Variants in PTPN23 observed in about 807,000 individuals in gnomAD.
PTPN23 encodes the protein protein tyrosine phosphatase non-receptor type 23, also known as tyrosine-protein phosphatase non-receptor type 23.
In PTPN23, 72 loss-of-function variants were observed where a neutral mutation model predicts 156.3. The observed-to-expected ratio is 0.46, with a 90% CI of 0.38 to 0.56. The LOEUF (loss-of-function observed/expected upper bound fraction) is 0.56. Among genes scored for constraint, PTPN23 ranks in the 20% least tolerant of loss-of-function variants. PTPN23 has a pLI of 0.00. For missense variants in PTPN23, 1,974 were observed against 2,171.5 expected (o/e 0.91, Z 1.81); for synonymous variants, 957 against 899.6 (o/e 1.06, Z -1.14).
rs1705242407 is a variant in PTPN23 at position 47,410,337 on chromosome 3, C to T, written c.2539C>T (p.Pro847Ser). 3 of 1,607,702 alleles carry T rather than the reference C, an allele frequency of 1.9e-6. No homozygotes were observed. The highest frequency in any genetic ancestry group is 2.2e-5 in the South Asian group (2 of 89,918). The change falls in exon 20 of 25, where the codon CCC becomes TCC. Residue 847 changes from proline (P) to serine (S), a missense_variant. This residue lies in a region of PTPN23 where 731 missense variants were observed against 669.1 expected (regional missense o/e 1.09). Transcript: ENST00000265562. ...CCCACAGCATGGCGTGGTGAGCAGTCCCTATGTGGGGGTAGGGCCGGCCCC... is the reference window on the plus strand; with the variant it reads ...CCCACAGCATGGCGTGGTGAGCAGTTCCTATGTGGGGGTAGGGCCGGCCCC... ...SSPQHGVVSSPYVGVGPAPPV... is the reference protein window; with the variant it reads ...SSPQHGVVSSSYVGVGPAPPV...
At position 47,406,071 on chromosome 3, in the gene PTPN23, G is replaced by A; in HGVS notation, c.546+25G>A. The stretch of plus-strand genomic sequence containing the variant: ...GGTGAGGAGGCGCCCTGGTTGGAGT[G>A]GAGTTGAATCCAGGGAAGGGGATGG... On this transcript the variant is annotated intron_variant, in intron 6 of 24. Coordinates refer to ENST00000265562, the MANE Select transcript of PTPN23 (RefSeq NM_015466.4). The surrounding 1 kb of genome is among the most constrained non-coding windows in gnomAD (Gnocchi z 5.8). 1 of 1,608,088 alleles carries A rather than the reference G, an allele frequency of 6.2e-7. No homozygotes were observed. Among genetic ancestry groups the A allele is most frequent in the Non-Finnish European group, 8.5e-7 (1 of 1,177,716 alleles).
Position 47,406,626 on chromosome 3 carries a change from G to A in PTPN23, c.759+14G>A. 2 of 1,613,934 alleles carry A rather than the reference G, an allele frequency of 1.2e-6. No homozygotes were observed. Among genetic ancestry groups the A allele is most frequent in the East Asian group, 2.2e-5 (1 of 44,882 alleles). ...GCCGTGGCTCATGTGAGGGCCTGGG[G>A]CCCCAGGGCGGGGCAGGGCGGGGCT... On this transcript the variant is annotated intron_variant, in intron 8 of 24. Coordinates refer to ENST00000265562, the MANE Select transcript of PTPN23 (RefSeq NM_015466.4). The surrounding 1 kb of genome is among the most constrained non-coding windows in gnomAD (Gnocchi z 5.8).
At chr3:47,393,496 CAGAT>C (rs769673206) in intron 1 of PTPN23, among the ~76,000 whole-genome samples, 13 of 152,046 alleles carry the variant, frequency 8.6e-5, no homozygotes, top group Non-Finnish European at 1.8e-4. Context: ...GTTTTCTCTC[CAGAT>C]AGATAGATAG....
rs373946224 is a variant in PTPN23 at position 47,410,864 on chromosome 3, C to T, written c.3066C>T (p.Pro1022=). 4.3e-5 allele frequency: 70 copies of T among 1,610,616 alleles called. 1 individual carries two copies. The highest frequency in any genetic ancestry group is 1.3e-4 in the East Asian group (6 of 44,790). The change falls in exon 20 of 25, where the codon CCC becomes CCT. Residue 1022 remains proline, a synonymous_variant. Transcript: ENST00000265562. The stretch of plus-strand genomic sequence containing the variant: ...TACACACCCAGCTCTACCCAGGTCC[C>T]GCTCAAGACCCTCTGCCAGCCCACT... The part of the protein sequence containing the change: ...PPLHTQLYPG[P]AQDPLPAHSG...
intron 1 of PTPN23, among the ~76,000 whole-genome samples, chr3:47,384,765 A>AT (rs767237210): frequency 8.4e-4 from 121 of 144,076 alleles, no homozygotes; most frequent in South Asian, 2.7e-3. Flanking sequence ...ACCCGTGTGA[A>AT]TTTTTTTTTT....
intron 1 of PTPN23, among the ~76,000 whole-genome samples, chr3:47,393,449 G>C (rs148214622): frequency 6.6e-6 from 1 of 152,124 alleles, no homozygotes; most frequent in African/African-American, 2.4e-5. Context: ...CACTGTGCCC[G>C]GCTACCTAGT....
chr3:47,412,622 C>T lies in PTPN23; in HGVS notation c.4426C>T (p.Gln1476Ter). The T allele has an allele frequency of 6.2e-7, 1 of 1,613,046 alleles. No individual in the cohort carries two copies. Among genetic ancestry groups the T allele is most frequent in the African/African-American group, 1.3e-5 (1 of 75,034 alleles). The part of the protein sequence containing the change: ...CKPLASASIS[Q>*]KNHLPQDSQD... ...ACCCTTGGCCAGTGCAAGCATCAGCCAGAAGGTGAGGAAGGTTCCGTGGAA... is the reference window on the plus strand; with the variant it reads ...ACCCTTGGCCAGTGCAAGCATCAGCTAGAAGGTGAGGAAGGTTCCGTGGAA... Residue 1476 changes from glutamine to a stop codon, truncating the protein, a stop_gained, in exon 24 of 25, where the codon CAG becomes TAG. Coordinates refer to ENST00000265562, the MANE Select transcript of PTPN23 (RefSeq NM_015466.4). LOFTEE classifies it high-confidence loss of function.
chr3:47,388,480 A>G (rs1704699641), intron 1 of PTPN23, among the ~76,000 whole-genome samples: 1 of 152,148 alleles, frequency 6.6e-6, no homozygotes, highest in African/African-American at 2.4e-5. Context: ...TGTACCCACA[A>G]AAATTAATGG....
At chr3:47,393,117 T>G (rs895023714) in intron 1 of PTPN23, among the ~76,000 whole-genome samples, 2 of 152,146 alleles carry the variant, frequency 1.3e-5, no homozygotes, top group African/African-American at 4.8e-5. Flanking sequence ...AGTACAGGTG[T>G]GAACCACTGC....
At position 47,411,695 on chromosome 3, in the gene PTPN23, A is replaced by AG. The variant is rs748499546; in HGVS notation, c.3888+14dup. 6.3e-7 allele frequency: 1 copy of AG among 1,596,514 alleles called. No homozygotes were observed. Among genetic ancestry groups the AG allele is most frequent in the Non-Finnish European group, 8.6e-7 (1 of 1,167,670 alleles). On this transcript the variant is annotated intron_variant, in intron 20 of 24. Transcript: ENST00000265562. This position sits in a 1 kb window ranked among gnomAD's most constrained non-coding sequence, Gnocchi z 6.3. ...AGGCTGAGATGGAGAAGGTGAGAAG[A>AG]GGGGGTGGGTGCCCACGAGGGCAGT...
chr3:47,412,001 C>T (rs1576233474), intron 21 of PTPN23, 34 bp downstream of exon 21: 1 of 1,605,870 alleles, frequency 6.2e-7, no homozygotes, highest in East Asian at 2.2e-5. Context: ...GGTTGGGGGT[C>T]TAAGTGCTGT....
At chr3:47,393,554 A>G (rs1704818437) in intron 1 of PTPN23, among the ~76,000 whole-genome samples, 1 of 152,206 alleles carries the variant, frequency 6.6e-6, no homozygotes. Context: ...AGTTTTGGAC[A>G]TCACTTTTCC....
Position 47,409,108 on chromosome 3 carries a change from T to G in PTPN23, c.1642+21T>G, listed in dbSNP as rs569446375. ...CCCAGGTGAGCCCCACCAGACCCCA[T>G]TGGGAGACTCGAGCTGGGGGTTTCT... On this transcript the variant is annotated intron_variant, in intron 16 of 24. Transcript: ENST00000265562. 6 of 1,607,576 alleles carry G rather than the reference T, an allele frequency of 3.7e-6. No homozygotes were observed. The South Asian group carries it at 6.6e-5, about 18-fold the overall frequency.
chr3:47,382,042 C>T (rs1704553986), intron 1 of PTPN23, among the ~76,000 whole-genome samples: 1 of 152,134 alleles, frequency 6.6e-6, no homozygotes, highest in Non-Finnish European at 1.5e-5. Context: ...GTGGGCTTAG[C>T]ACAGCAGATG....
chr3:47,393,331 T>C (rs2107700097), intron 1 of PTPN23, among the ~76,000 whole-genome samples: 1 of 152,134 alleles, frequency 6.6e-6, no homozygotes, highest in South Asian at 2.1e-4. Context: ...TTTTGTGTTT[T>C]TAGTAGAGAT....
At chr3:47,387,989 G>C (rs976817079) in intron 1 of PTPN23, among the ~76,000 whole-genome samples, 7 of 152,136 alleles carry the variant, frequency 4.6e-5, no homozygotes, top group Non-Finnish European at 8.8e-5. Flanking sequence ...CTACTGTTTG[G>C]TGCTCAGTAA....
chr3:47,410,881 C>T lies in PTPN23; in HGVS notation c.3083C>T (p.Pro1028Leu), dbSNP rs1323344359. 6.2e-6 allele frequency: 10 copies of T among 1,611,326 alleles called. No homozygotes were observed. Among genetic ancestry groups the T allele is most frequent in the Non-Finnish European group, 8.5e-6 (10 of 1,178,752 alleles). ...LYPGPAQDPL[P>L]AHSGALPFPS... ...CCAGGTCCCGCTCAAGACCCTCTGC[C>T]AGCCCACTCAGGGGCTCTGCCTTTC... is the stretch of plus-strand genomic sequence containing the variant. The change falls in exon 20 of 25, where the codon CCA (proline) becomes CTA (leucine). Residue 1028 changes from proline (P) to leucine (L), a missense_variant. Transcript: ENST00000265562.
In PTPN23 at chr3:47,409,398, G is replaced by GC; in HGVS notation, c.1798-14dup. On this transcript the variant is annotated intron_variant, in intron 17 of 24. Coordinates refer to ENST00000265562, the MANE Select transcript of PTPN23 (RefSeq NM_015466.4). ...TCGAGGCCCTGAGTGTCCGTCCCTGGCCCCCACCCCTTCCTCAGAAGTTGT... is the reference window on the plus strand; with the variant it reads ...TCGAGGCCCTGAGTGTCCGTCCCTGGCCCCCCACCCCTTCCTCAGAAGTTGT... The GC allele has an allele frequency of 8.7e-6, 14 of 1,613,950 alleles. No homozygotes were observed. Among genetic ancestry groups the GC allele is most frequent in the Middle Eastern group, 3.3e-4 (2 of 5,996 alleles).
At chr3:47,385,392 C>T (rs1437364333) in intron 1 of PTPN23, among the ~76,000 whole-genome samples, 1 of 152,028 alleles carries the variant, frequency 6.6e-6, no homozygotes, top group Non-Finnish European at 1.5e-5. Context: ...AAACCTGTGT[C>T]TTGGCTGGGA....
Sources: allele counts gnomAD v4.1 joint callset (sites outside exome capture counted in the v4.1 genomes callset), GRCh38; gene constraint gnomAD v4.1.1; regional missense constraint gnomAD v4.1.1; non-coding constraint Gnocchi (gnomAD v3.1); transcripts MANE v1.5; gene names NCBI Gene and HGNC (gene_info 2026-07-23, HGNC 2026-07-21).